The following PHLDB3 variants were observed in gnomAD, a reference collection of about 807,000 sequenced individuals.
PHLDB3 encodes pleckstrin homology like domain family B member 3.
A neutral mutation model predicts 85.7 loss-of-function variants in PHLDB3; 86 were observed. That is an observed-to-expected ratio of 1.00 (90% CI 0.84 to 1.20). The LOEUF (loss-of-function observed/expected upper bound fraction) is 1.20. Among genes scored for constraint, PHLDB3 ranks in the 50% most tolerant of loss-of-function variants. The pLI is 0.00. For synonymous variants in PHLDB3, 376 were observed against 349.8 expected (o/e 1.07, Z -0.83); for missense variants, 995 against 873.0 (o/e 1.14, Z -1.76).
chr19:43,494,840 G>A (rs773482458), intron 8 of PHLDB3, 25 bp from the exon 9 acceptor site: 20 of 1,573,954 alleles, frequency 1.3e-5, no homozygotes, highest in South Asian at 2.3e-5. Context: ...GTGAAGTTTC[G>A]TGGGAGCAGG....
intron 14 of PHLDB3, among the ~76,000 whole-genome samples, chr19:43,478,983 C>T (rs1010258569): frequency 6.6e-6 from 1 of 152,216 alleles, no homozygotes; most frequent in Middle Eastern, 3.4e-3. Flanking sequence ...ATTGATTCTC[C>T]TAGAGAAGAA....
chr19:43,504,284 G>A lies in PHLDB3; in HGVS notation c.-14-152C>T, dbSNP rs920860137. The A allele has an allele frequency of 2.9e-5, 21 of 721,376 alleles. 1 individual carries two copies. In the East Asian group the frequency reaches 5.8e-4, roughly 20 times the overall value. 44.7% of individuals were successfully genotyped at this position (721,376 alleles called of 1,614,324 possible). ...ACTGAGCGTTACGGAGGCGTGTCCT[G>A]AAGTTTCCAGAGGCGGGGCTTGATG... On this transcript the variant is annotated intron_variant, in intron 1 of 15. Transcript: ENST00000292140.
chr19:43,489,867 C>A (rs777714051), intron 9 of PHLDB3, among the ~76,000 whole-genome samples: 1 of 151,694 alleles, frequency 6.6e-6, no homozygotes, highest in Admixed American at 6.6e-5. Flanking sequence ...ATAAGCTGGG[C>A]GTGGTGGTGG....
intron 9 of PHLDB3, among the ~76,000 whole-genome samples, chr19:43,490,702 G>A (rs560435395): frequency 6.6e-6 from 1 of 152,246 alleles, no homozygotes; most frequent in East Asian, 1.9e-4. Context: ...TCCTAGCTGG[G>A]AGATATTAGA....
intron 13 of PHLDB3, among the ~76,000 whole-genome samples, chr19:43,481,678 C>T (rs35765283): frequency 0.17 from 26,032 of 151,280 alleles, 2,337 homozygotes; most frequent in Non-Finnish European, 0.19. Flanking sequence ...CCTAGGATCC[C>T]GGCTAATTAG....
In PHLDB3 at chr19:43,494,796, G is replaced by C. The variant is rs913020446; in HGVS notation, c.1055C>G (p.Thr352Arg). 1 of 1,612,396 alleles carries C rather than the reference G, an allele frequency of 6.2e-7. No individual in the cohort carries two copies. Among genetic ancestry groups the C allele is most frequent in the African/African-American group, 1.3e-5 (1 of 74,938 alleles). ...ALTKLLFTQKTDRQLLVLQDA... is the reference protein window; with the variant it reads ...ALTKLLFTQKRDRQLLVLQDA... ...CTGGAGCACCAGCAGCTGGCGGTCTGTCTTCTGGGTGAACAGCAGCTGCAA... is the reference window on the plus strand; with the variant it reads ...CTGGAGCACCAGCAGCTGGCGGTCTCTCTTCTGGGTGAACAGCAGCTGCAA... Residue 352 changes from threonine (T) to arginine (R), a missense_variant, in exon 9 of 16, where the codon ACA (threonine) becomes AGA (arginine). By Grantham distance (71) the Thr-to-Arg change is moderately conservative. Coordinates refer to ENST00000292140, the MANE Select transcript of PHLDB3 (RefSeq NM_198850.4).
rs73550724 is a variant in PHLDB3 at position 43,486,978 on chromosome 19, A to G, written c.1249+46T>C. On this transcript the variant is annotated intron_variant, in intron 10 of 15. Coordinates refer to ENST00000292140, the MANE Select transcript of PHLDB3 (RefSeq NM_198850.4). The stretch of plus-strand genomic sequence containing the variant: ...GGTTTCCTCCATCCTCTGCTGCAGG[A>G]TGAGTGCTGATGTGGGAAGGAAGTG... The G allele has an allele frequency of 2.1e-4, 318 of 1,491,058 alleles. 1 individual carries two copies. The African/African-American group carries it at 3.8e-3, about 18-fold the overall frequency. The allele number at this position is 1,491,058 out of a possible 1,614,324, so 92.4% of individuals were successfully genotyped here. A position where few individuals can be genotyped will look rare whatever the true frequency, so the allele number is the denominator to read the frequency against.
rs1167897767 is a variant in PHLDB3, at chr19:43,487,591, A to AAAAAAAAAAAAAAAAAC, written c.1150-469_1150-468insGTTTTTTTTTTTTTTTT. On this transcript the variant is annotated intron_variant, in intron 9 of 15. Coordinates refer to ENST00000292140, the MANE Select transcript of PHLDB3 (RefSeq NM_198850.4). Reference sequence around the variant, plus strand: ...CTCTGTCTCAAAAAAAAAAAAAAAAAACACAGAAAAGAAAAAAAGAAATGT... The same window carrying AAAAAAAAAAAAAAAAAC: ...CTCTGTCTCAAAAAAAAAAAAAAAAAAAAAAAAAAAAAAAAACACACAGAAAAGAAAAAAAGAAATGT... Among the ~76,000 whole-genome samples, 85 of 115,588 alleles carry AAAAAAAAAAAAAAAAAC rather than the reference A, an allele frequency of 7.4e-4. 1 individual carries two copies. The highest frequency in any genetic ancestry group is 1.2e-3 in the East Asian group (5 of 4,070). 75.8% of individuals were successfully genotyped at this position (115,588 alleles called of 152,430 possible). A position where few individuals can be genotyped will look rare whatever the true frequency, so the allele number is the denominator to read the frequency against.
chr19:43,502,428 T>G, intron 2 of PHLDB3, 145 bp from the exon 3 acceptor site: 1 of 680,792 alleles, frequency 1.5e-6, no homozygotes, highest in Non-Finnish European at 2.3e-6. Context: ...CCATAATCTG[T>G]CGCAGGCTCT....
rs1419624773 is a variant in PHLDB3 at position 43,499,626 on chromosome 19, C to A, written c.535-1750G>T. Among the ~76,000 whole-genome samples, 3 of 152,078 alleles carry A rather than the reference C, an allele frequency of 2.0e-5. No individual in the cohort carries two copies. In the South Asian group the frequency reaches 6.2e-4, roughly 32 times the overall value. On this transcript the variant is annotated intron_variant, in intron 4 of 15. Coordinates refer to ENST00000292140, the MANE Select transcript of PHLDB3 (RefSeq NM_198850.4). Reference sequence around the variant, plus strand: ...CAGCCTCATAAAATTCCAACATACACGACACTTGCAAAGAAAAAAACTGAC... The same window carrying A: ...CAGCCTCATAAAATTCCAACATACAAGACACTTGCAAAGAAAAAAACTGAC...
At chr19:43,488,034 A>T (rs1971223544) in intron 9 of PHLDB3, among the ~76,000 whole-genome samples, 2 of 152,016 alleles carry the variant, frequency 1.3e-5, no homozygotes, top group East Asian at 3.9e-4. Flanking sequence ...CATGCCTGTA[A>T]TCCCAGCTTT....
At chr19:43,490,737 G>A (rs966612006) in intron 9 of PHLDB3, among the ~76,000 whole-genome samples, 2 of 152,056 alleles carry the variant, frequency 1.3e-5, no homozygotes, top group African/African-American at 4.8e-5. Context: ...GAACCAAGTG[G>A]GCAGGTCAGA....
intron 13 of PHLDB3, among the ~76,000 whole-genome samples, 153 bp from the exon 14 acceptor site, chr19:43,479,746 C>T (rs1195887437): frequency 1.3e-5 from 2 of 152,160 alleles, no homozygotes; most frequent in Admixed American, 6.6e-5. Context: ...ACAAATGCAA[C>T]GGCTACGTGG....
At position 43,475,247 on chromosome 19, in the gene PHLDB3, C is replaced by T; in HGVS notation, c.*163G>A. The T allele has an allele frequency of 1.0e-6, 1 of 998,124 alleles. No individual in the cohort carries two copies. Among genetic ancestry groups the T allele is most frequent in the South Asian group, 1.7e-5 (1 of 57,644 alleles). The allele number at this position is 998,124 out of a possible 1,614,324, so 61.8% of individuals were successfully genotyped here. On this transcript the variant is annotated 3_prime_UTR_variant, in exon 16 of 16. Coordinates refer to ENST00000292140, the MANE Select transcript of PHLDB3 (RefSeq NM_198850.4). ...GGGGCAAGGCACCTGCAACCCAGAA[C>T]GCAGCAGCTCAGGCCAGCTGAACTG...
intron 13 of PHLDB3, among the ~76,000 whole-genome samples, chr19:43,483,979 C>T (rs1005424394): frequency 2.0e-5 from 3 of 151,882 alleles, no homozygotes; most frequent in African/African-American, 7.3e-5. Flanking sequence ...AGGCCAGGCA[C>T]GGTAGCTCAT....
At chr19:43,499,822 C>G (rs1971546142) in intron 4 of PHLDB3, among the ~76,000 whole-genome samples, 1 of 152,092 alleles carries the variant, frequency 6.6e-6, no homozygotes, top group South Asian at 2.1e-4. Context: ...GAGCTGCAAC[C>G]TCCACCTCCC....
At chr19:43,499,696 C>G (rs1971543476) in intron 4 of PHLDB3, among the ~76,000 whole-genome samples, 1 of 152,026 alleles carries the variant, frequency 6.6e-6, no homozygotes, top group African/African-American at 2.4e-5. Flanking sequence ...GTAACTGACC[C>G]AAGCAATGAC....
intron 6 of PHLDB3, chr19:43,496,495 C>A (rs1971460643): frequency 6.6e-6 from 1 of 152,216 alleles, no homozygotes; most frequent in Non-Finnish European, 1.5e-5. Context: ...TTGTTCAAAT[C>A]CTGGCTGTGG....
chr19:43,500,909 A>ACCCCCCCTCCCCCCCCCCCCCCCC (rs1971574542), intron 4 of PHLDB3, among the ~76,000 whole-genome samples: 2 of 17,152 alleles, frequency 1.2e-4, no homozygotes, highest in African/African-American at 1.8e-4. Flanking sequence ...CGCCCCCCGT[A>ACCCCCCCTCCCCCCCCCCCCCCCC]CCCCCCCCCC....
Sources: allele counts gnomAD v4.1 joint callset (sites outside exome capture counted in the v4.1 genomes callset), GRCh38; gene constraint gnomAD v4.1.1; transcripts MANE v1.5; gene names NCBI Gene and HGNC (gene_info 2026-07-23, HGNC 2026-07-21).